Variants in ZFHX3 observed in about 807,000 individuals in gnomAD.
ZFHX3 encodes the protein zinc finger homeobox protein 3.
A neutral mutation model predicts 279.1 loss-of-function variants in ZFHX3; 42 were observed. The ratio of observed to expected loss-of-function variants is 0.15; its 90% CI spans 0.12 to 0.19. The LOEUF (loss-of-function observed/expected upper bound fraction) is 0.19. ZFHX3 is among the 10% of genes least tolerant of loss of function. ZFHX3 has a pLI of 1.00. For synonymous variants in ZFHX3, 2,293 were observed against 1,957.8 expected, an observed-to-expected ratio of 1.17 and a Z score of -4.52; for missense variants, 4,981 against 4,754.0, an observed-to-expected ratio of 1.05 and a Z score of -1.40.
chr16:73,378,676 C>G (rs2016766963), intron 3 of ZFHX3, among the ~76,000 whole-genome samples: 1 of 152,216 alleles, frequency 6.6e-6, no homozygotes, highest in Non-Finnish European at 1.5e-5. Flanking sequence ...TCCACCATAA[C>G]CCTCGTCCTT....
Position 73,149,027 on chromosome 16 carries a change from T to G in ZFHX3, c.-1103-5196A>C, listed in dbSNP as rs1218589720. On this transcript the variant is annotated intron_variant, in intron 5 of 17. Coordinates refer to the ZFHX3 transcript ENST00000641206. ...TGAGATTATATATATATTTTATATA[T>G]ATATAAAGTGCTATATATATAAATA... Among the ~76,000 whole-genome samples the G allele has an allele frequency of 2.7e-5, 4 of 148,384 alleles. No homozygotes were observed. In the East Asian group the frequency reaches 7.8e-4, roughly 29 times the overall value.
At chr16:73,083,412 C>A (rs1965973377) in intron 8 of ZFHX3, 1 of 152,192 alleles carries the variant, frequency 6.6e-6, no homozygotes, top group Non-Finnish European at 1.5e-5. Flanking sequence ...CAACTGGTAA[C>A]ACATCTGAAT....
intron 2 of ZFHX3, among the ~76,000 whole-genome samples, chr16:73,602,173 A>G (rs1439173430): frequency 1.3e-5 from 2 of 152,196 alleles, no homozygotes; most frequent in African/African-American, 2.4e-5. Flanking sequence ...GAACAGAAAA[A>G]ACATGTTCTG....
chr16:73,699,129 C>T (rs2053224581), intron 1 of ZFHX3, among the ~76,000 whole-genome samples: 1 of 152,174 alleles, frequency 6.6e-6, no homozygotes, highest in South Asian at 2.1e-4. Flanking sequence ...GTGATCCGCC[C>T]ACCTTGGCCT....
chr16:73,717,506 C>T (rs2053427430), intron 1 of ZFHX3, among the ~76,000 whole-genome samples: 1 of 152,116 alleles, frequency 6.6e-6, no homozygotes, highest in African/African-American at 2.4e-5. Context: ...AAGATGAGAA[C>T]AAGCCTCTTA....
upstream of ZFHX3, chr16:73,061,851 A>G (rs183993342): frequency 6.6e-6 from 1 of 152,306 alleles, no homozygotes; most frequent in East Asian, 1.9e-4. Context: ...CTTATATAAA[A>G]CGGTGCGGAG....
intron 1 of ZFHX3, among the ~76,000 whole-genome samples, chr16:73,844,904 A>G (rs1030965286): frequency 2.0e-5 from 3 of 151,974 alleles, no homozygotes; most frequent in African/African-American, 7.2e-5. Flanking sequence ...TGATGAATAG[A>G]TGATAGATAG....
intron 4 of ZFHX3, among the ~76,000 whole-genome samples, chr16:73,317,799 T>C (rs1290225103): frequency 5.9e-5 from 9 of 152,154 alleles, no homozygotes; most frequent in African/African-American, 2.2e-4. Context: ...AGAGGGATAA[T>C]AAAGCCAGGT....
chr16:73,545,777 G>A (rs2020098054), intron 2 of ZFHX3, among the ~76,000 whole-genome samples: 1 of 149,780 alleles, frequency 6.7e-6, no homozygotes. Context: ...AAATTGGGTG[G>A]AACACCTGCT....
At chr16:73,330,902 C>T (rs1164112143) in intron 3 of ZFHX3, among the ~76,000 whole-genome samples, 1 of 152,122 alleles carries the variant, frequency 6.6e-6, no homozygotes, top group Non-Finnish European at 1.5e-5. Context: ...TCCATGATGG[C>T]CTTGTTCTGA....
chr16:72,903,207 G>A (rs969494054), intron 3 of ZFHX3, among the ~76,000 whole-genome samples: 2 of 152,220 alleles, frequency 1.3e-5, no homozygotes, highest in Non-Finnish European at 2.9e-5. Flanking sequence ...CTAAGGGCAG[G>A]TCCCGCCAAG....
At chr16:73,676,257 T>C (rs763368521) in intron 2 of ZFHX3, among the ~76,000 whole-genome samples, 4 of 152,064 alleles carry the variant, frequency 2.6e-5, no homozygotes, top group African/African-American at 7.2e-5. Flanking sequence ...TTAAGACTAA[T>C]GATTTTTATT....
intron 4 of ZFHX3, among the ~76,000 whole-genome samples, chr16:72,839,142 T>C (rs2037278922): frequency 6.6e-6 from 1 of 152,056 alleles, no homozygotes; most frequent in Non-Finnish European, 1.5e-5. Flanking sequence ...TAGCAGAGCG[T>C]GATGTGATTG....
rs2035361754 is a variant in ZFHX3, at chr16:72,786,219, A to G, written c.*945T>C. 6.6e-6 allele frequency: 1 copy of G among 152,634 alleles called. No homozygotes were observed. Among genetic ancestry groups the G allele is most frequent in the African/African-American group, 2.4e-5 (1 of 41,536 alleles). 9.5% of individuals were successfully genotyped at this position (152,634 alleles called of 1,614,324 possible). ...GAGGAGCTGTCAGCTGGACCATACA[A>G]AAAGCTAAATGTACACAAAAGGTTT... On this transcript the variant is annotated 3_prime_UTR_variant, in exon 10 of 10. Transcript: ENST00000268489.
At chr16:73,752,639 C>T (rs948397673) in intron 1 of ZFHX3, among the ~76,000 whole-genome samples, 1 of 152,056 alleles carries the variant, frequency 6.6e-6, no homozygotes, top group African/African-American at 2.4e-5. Flanking sequence ...TGAACAAAAC[C>T]GCCTGGCTGG....
chr16:72,869,386 T>C (rs1474954293), intron 4 of ZFHX3, among the ~76,000 whole-genome samples: 2 of 152,194 alleles, frequency 1.3e-5, no homozygotes, highest in African/African-American at 4.8e-5. Flanking sequence ...AAGGTGTTTT[T>C]TTTTTCTTAA....
At chr16:73,062,020 A>G (rs1965690396), upstream of ZFHX3, 2 of 152,160 alleles carry the variant, frequency 1.3e-5, no homozygotes, top group Admixed American at 1.3e-4. Context: ...CCAAGCTTGT[A>G]TGATTGAATA....
At chr16:73,448,681 T>G (rs1225828051) in intron 3 of ZFHX3, among the ~76,000 whole-genome samples, 1 of 132,532 alleles carries the variant, frequency 7.5e-6, no homozygotes, top group African/African-American at 2.9e-5. Context: ...TGTATATTTA[T>G]ATACGTGTGT....
At chr16:73,883,570 G>T (rs903823002) in intron 1 of ZFHX3, among the ~76,000 whole-genome samples, 1 of 152,014 alleles carries the variant, frequency 6.6e-6, no homozygotes, top group African/African-American at 2.4e-5. Flanking sequence ...ACCAACCTCA[G>T]TATCAGCCTT....
Sources: allele counts gnomAD v4.1 joint callset (sites outside exome capture counted in the v4.1 genomes callset), GRCh38; gene constraint gnomAD v4.1.1; transcripts MANE v1.5; gene names NCBI Gene and HGNC (gene_info 2026-07-23, HGNC 2026-07-21).